Variants in PRXL2C observed in about 807,000 individuals in gnomAD.
PRXL2C encodes peroxiredoxin-like 2C.
In PRXL2C, 38 loss-of-function variants were observed where a neutral mutation model predicts 24.9. That is an observed-to-expected ratio of 1.53 (90% CI 1.18 to 2.00). The LOEUF is 2.00. Among genes scored for constraint, PRXL2C ranks in the 30% most tolerant of loss-of-function variants. The pLI, the probability that PRXL2C is intolerant of heterozygous loss-of-function variation, is 0.00. For synonymous variants in PRXL2C, 98 were observed against 117.2 expected, an observed-to-expected ratio of 0.84 and a Z score of 1.06; for missense variants, 294 against 290.9, an observed-to-expected ratio of 1.01 and a Z score of -0.08.
At chr9:96,649,043 G>C (rs1432062950) in intron 4 of PRXL2C, among the ~76,000 whole-genome samples, 2 of 151,988 alleles carry the variant, frequency 1.3e-5, no homozygotes, top group Admixed American at 6.6e-5. Context: ...AAAGTGCTGG[G>C]ATTACAGGCG....
intron 4 of PRXL2C, among the ~76,000 whole-genome samples, chr9:96,649,710 C>T (rs1490102582): frequency 6.6e-6 from 1 of 152,030 alleles, no homozygotes; most frequent in Non-Finnish European, 1.5e-5. Flanking sequence ...GCCCTACAAC[C>T]CTGTCACAAA....
intron 5 of PRXL2C, among the ~76,000 whole-genome samples, chr9:96,644,881 CTTTTTTTTTTTTTT>C (rs530343244): frequency 1.1e-3 from 40 of 36,688 alleles, no homozygotes; most frequent in East Asian, 7.7e-3. Flanking sequence ...TACATGGATT[CTTTTTTTTTTTTTT>C]TTTTTTTTTT....
At position 96,640,391 on chromosome 9, in the gene PRXL2C, G is replaced by A. The variant is rs1290346156; in HGVS notation, c.*1368C>T. The stretch of plus-strand genomic sequence containing the variant: ...TAAAAGTAGCCAGGTATGGTGGCGG[G>A]TGCCTGTAATCCCAGCTACTTGGGA... On this transcript the variant is annotated 3_prime_UTR_variant, in exon 6 of 6. Transcript: ENST00000375234. The A allele has an allele frequency of 6.6e-6, 1 of 151,318 alleles. No individual in the cohort carries two copies. Among genetic ancestry groups the A allele is most frequent in the Non-Finnish European group, 1.5e-5 (1 of 68,014 alleles). 9.4% of individuals were successfully genotyped at this position (151,318 alleles called of 1,614,324 possible).
chr9:96,652,949 C>T (rs1398889245), intron 2 of PRXL2C, among the ~76,000 whole-genome samples: 2 of 152,080 alleles, frequency 1.3e-5, no homozygotes, highest in African/African-American at 2.4e-5. Context: ...CGGTATCGGC[C>T]GGGCGCGGTG....
At chr9:96,644,200 C>T (rs920614038) in intron 5 of PRXL2C, among the ~76,000 whole-genome samples, 2 of 151,308 alleles carry the variant, frequency 1.3e-5, no homozygotes, top group African/African-American at 4.9e-5. Context: ...AAGCTATGCT[C>T]ATTAAGCAGA....
At chr9:96,654,620 T>A in intron 2 of PRXL2C, 85 bp downstream of exon 2, 1 of 1,306,430 alleles carries the variant, frequency 7.7e-7, no homozygotes, top group Non-Finnish European at 1.1e-6. Context: ...AGGCTGCAAG[T>A]TCCGCGCTGG....
chr9:96,643,311 T>C (rs1173773756), intron 5 of PRXL2C, among the ~76,000 whole-genome samples: 1 of 152,118 alleles, frequency 6.6e-6, no homozygotes, highest in Non-Finnish European at 1.5e-5. Context: ...AGTGGTGTGA[T>C]TTTGGCTCAC....
At chr9:96,654,120 G>A (rs1035609344) in intron 2 of PRXL2C, among the ~76,000 whole-genome samples, 2 of 152,172 alleles carry the variant, frequency 1.3e-5, no homozygotes, top group Non-Finnish European at 2.9e-5. Flanking sequence ...GATTACAGGC[G>A]TGAGCCACCG....
Position 96,655,087 on chromosome 9 carries a change from C to T in PRXL2C, c.192+3G>A. The T allele has an allele frequency of 6.9e-7, 1 of 1,455,156 alleles. No homozygotes were observed. 90.1% of individuals were successfully genotyped at this position (1,455,156 alleles called of 1,614,324 possible). On this transcript the variant is annotated splice_donor_region_variant and intron_variant, in intron 1 of 5. Transcript: ENST00000375234. The stretch of plus-strand genomic sequence containing the variant: ...TTCCCTTCCAGCCCCGCCGCCCGCT[C>T]ACCCGCACGAACACCACCACGGCGC...
chr9:96,653,586 T>C (rs183225051), intron 2 of PRXL2C, among the ~76,000 whole-genome samples: 1 of 152,330 alleles, frequency 6.6e-6, no homozygotes, highest in Non-Finnish European at 1.5e-5. Context: ...TTTTACACGC[T>C]GTCATCACAA....
At chr9:96,654,419 A>G (rs1848317463) in intron 2 of PRXL2C, among the ~76,000 whole-genome samples, 2 of 152,238 alleles carry the variant, frequency 1.3e-5, no homozygotes, top group Non-Finnish European at 2.9e-5. Flanking sequence ...GAAAATAACC[A>G]TTTCCAGCAT....
In PRXL2C at chr9:96,646,035, GAA is replaced by G. The variant is rs1848198610; in HGVS notation, c.422-13_422-12del. Reference sequence around the variant, plus strand: ...TGTGGGGGCTCTGTCCTGAAATGTCGAAAATTGTCTTTAGATGTCATTTTATA... The same window carrying G: ...TGTGGGGGCTCTGTCCTGAAATGTCGAATTGTCTTTAGATGTCATTTTATA... On this transcript the variant is annotated splice_polypyrimidine_tract_variant and intron_variant, in intron 4 of 5. Transcript: ENST00000375234. The G allele has an allele frequency of 6.3e-7, 1 of 1,587,368 alleles. No individual in the cohort carries two copies. Among genetic ancestry groups the G allele is most frequent in the African/African-American group, 1.4e-5 (1 of 73,200 alleles).
chr9:96,647,227 T>G (rs1848210229), intron 4 of PRXL2C, among the ~76,000 whole-genome samples: 1 of 152,222 alleles, frequency 6.6e-6, no homozygotes, highest in Admixed American at 6.5e-5. Flanking sequence ...ATTTCTGTTA[T>G]CACAGTGGCT....
chr9:96,644,948 G>T (rs1461743926), intron 5 of PRXL2C, among the ~76,000 whole-genome samples: 27 of 127,106 alleles, frequency 2.1e-4, no homozygotes, highest in Admixed American at 1.8e-3. Context: ...ACCCAGGCTG[G>T]AGGGCTGGAG....
At chr9:96,651,604 T>C in intron 3 of PRXL2C, 55 bp downstream of exon 3, 1 of 1,564,960 alleles carries the variant, frequency 6.4e-7, no homozygotes, top group Non-Finnish European at 8.7e-7. Flanking sequence ...ATAATGTAAT[T>C]TTTATGTCTG....
chr9:96,654,969 C>T, intron 1 of PRXL2C, 121 bp downstream of exon 1: 1 of 1,279,302 alleles, frequency 7.8e-7, no homozygotes, highest in South Asian at 1.8e-5. Flanking sequence ...TGGGAAGCGG[C>T]CGCGACTGGG....
chr9:96,639,920 C>CG lies in PRXL2C; in HGVS notation c.*1838_*1839insC. 1 of 151,426 alleles carries CG rather than the reference C, an allele frequency of 6.6e-6. No homozygotes were observed. The highest frequency in any genetic ancestry group is 1.5e-5 in the Non-Finnish European group (1 of 67,904). The allele number at this position is 151,426 out of a possible 1,614,324, so 9.4% of individuals were successfully genotyped here. A position where few individuals can be genotyped will look rare whatever the true frequency, so the allele number is the denominator to read the frequency against. On this transcript the variant is annotated 3_prime_UTR_variant, in exon 6 of 6. Coordinates refer to ENST00000375234, the MANE Select transcript of PRXL2C (RefSeq NM_153698.2). ...CCAGCCTGACCGACATGGAGAAACT[C>CG]CATCTTTACTAAAAAATAGAAACTT...
chr9:96,651,646 A>T lies in PRXL2C; in HGVS notation c.315+13T>A, dbSNP rs1445926306. On this transcript the variant is annotated intron_variant, in intron 3 of 5. Transcript: ENST00000375234. ...ATTTTATTCATTAGTCTCCCAATGT[A>T]CTAGATATTTACCTCAATATGATGG... 1 of 1,601,836 alleles carries T rather than the reference A, an allele frequency of 6.2e-7. No individual in the cohort carries two copies. Among genetic ancestry groups the T allele is most frequent in the Admixed American group, 1.7e-5 (1 of 59,564 alleles).
chr9:96,651,468 GA>G lies in PRXL2C; in HGVS notation c.342del (p.His115MetfsTer17), dbSNP rs770113583. 19 of 1,612,424 alleles carry G rather than the reference GA, an allele frequency of 1.2e-5. No individual in the cohort carries two copies. Among genetic ancestry groups the G allele is most frequent in the Non-Finnish European group, 1.6e-5 (19 of 1,179,610 alleles). On this transcript the variant is annotated frameshift_variant, in exon 4 of 6. Coordinates refer to ENST00000375234, the MANE Select transcript of PRXL2C (RefSeq NM_153698.2). LOFTEE classifies it high-confidence loss of function. ...IEPFCKLTGY[S>X]HEIYVDPERE... ...CTCTCAGGATCGACATAGATTTCAT[GA>G]GAATATCCAGTCAGCTTGCAAAAAG... is the stretch of plus-strand genomic sequence containing the variant.
Sources: gnomAD v4.1 joint callset for allele counts (sites outside exome capture counted in the v4.1 genomes callset) on GRCh38, gnomAD v4.1.1 for gene constraint, MANE v1.5 for transcripts, NCBI Gene and HGNC (gene_info 2026-07-23, HGNC 2026-07-21) for gene names.